The following GRIK3 variants were observed in gnomAD, a reference collection of about 807,000 sequenced individuals.
GRIK3 encodes the protein glutamate ionotropic receptor kainate type subunit 3.
A neutral mutation model predicts 102.5 loss-of-function variants in GRIK3; 29 were observed. The observed-to-expected ratio is 0.28, with a 90% CI of 0.21 to 0.39. The LOEUF (loss-of-function observed/expected upper bound fraction) is 0.39, where lower values mean the gene tolerates loss of function less well. Among genes scored for constraint, GRIK3 ranks in the 10% least tolerant of loss-of-function variants. The probability of loss-of-function intolerance (pLI) is 1.00; values close to 1 mark genes in which losing one functional copy is unlikely to be tolerated. For synonymous variants in GRIK3, 511 were observed against 504.9 expected (o/e 1.01, Z -0.16); for missense variants, 908 against 1,252.4 (o/e 0.73, Z 4.15).
At chr1:36,956,325 A>C (rs1641905133) in intron 1 of GRIK3, among the ~76,000 whole-genome samples, 1 of 152,228 alleles carries the variant, frequency 6.6e-6, no homozygotes, top group African/African-American at 2.4e-5. Flanking sequence ...GCAGAAGCCC[A>C]GAAGAGAAAG....
intron 7 of GRIK3, among the ~76,000 whole-genome samples, chr1:36,854,149 G>C (rs1458566278): frequency 6.6e-6 from 1 of 152,188 alleles, no homozygotes; most frequent in Non-Finnish European, 1.5e-5. Context: ...CCCCCCGAAA[G>C]GCAGGGGAGA....
At chr1:36,854,460 AAC>A (rs1446208474) in intron 7 of GRIK3, among the ~76,000 whole-genome samples, 1 of 152,182 alleles carries the variant, frequency 6.6e-6, no homozygotes, top group Non-Finnish European at 1.5e-5. Context: ...CGTCATTAAT[AAC>A]ACAGAGAGAG....
chr1:36,957,481 T>C lies in GRIK3; in HGVS notation c.116-66385A>G, dbSNP rs1447346460. On this transcript the variant is annotated intron_variant, in intron 1 of 15. Transcript: ENST00000373091. ...TGAGCCTATGTGCTCTGTGAGTCTG[T>C]GCCCCGTGAGCCTGTGTGCCCCATG... is the stretch of plus-strand genomic sequence containing the variant. Among the ~76,000 whole-genome samples, 119 of 124,890 alleles carry C rather than the reference T, an allele frequency of 9.5e-4. 1 individual carries two copies. The highest frequency in any genetic ancestry group is 3.3e-3 in the African/African-American group (111 of 34,000). The allele number at this position is 124,890 out of a possible 152,430, so 81.9% of individuals were successfully genotyped here. A position where few individuals can be genotyped will look rare whatever the true frequency, so the allele number is the denominator to read the frequency against.
intron 1 of GRIK3, among the ~76,000 whole-genome samples, chr1:36,963,778 C>A (rs546726624): frequency 6.6e-6 from 1 of 152,326 alleles, no homozygotes; most frequent in Admixed American, 6.5e-5. Flanking sequence ...CCCCAGCAGC[C>A]TCCTGAATGC....
chr1:36,838,035 C>T (rs1351736076), intron 10 of GRIK3, among the ~76,000 whole-genome samples: 1 of 152,208 alleles, frequency 6.6e-6, no homozygotes, highest in Admixed American at 6.5e-5. Flanking sequence ...CTCCCACCAC[C>T]ATCACATTTA....
At chr1:36,974,440 T>C (rs4653237) in intron 1 of GRIK3, among the ~76,000 whole-genome samples, 37,983 of 152,066 alleles carry the variant, frequency 0.25, 6,081 homozygotes, top group African/African-American at 0.46. Flanking sequence ...ACAACCCAAA[T>C]GTCCATCCTT....
At chr1:36,949,079 C>A (rs1438073334) in intron 1 of GRIK3, among the ~76,000 whole-genome samples, 1 of 152,104 alleles carries the variant, frequency 6.6e-6, no homozygotes, top group Non-Finnish European at 1.5e-5. Context: ...AGGTGGGACC[C>A]AGGGAAAGGC....
chr1:36,892,695 A>C (rs767853974), intron 1 of GRIK3, among the ~76,000 whole-genome samples: 1 of 152,222 alleles, frequency 6.6e-6, no homozygotes, highest in African/African-American at 2.4e-5. Context: ...TGACTCTAAA[A>C]TGTATCTGGA....
chr1:36,829,982 C>T (rs1391599959), intron 10 of GRIK3, among the ~76,000 whole-genome samples: 1 of 152,212 alleles, frequency 6.6e-6, no homozygotes, highest in South Asian at 2.1e-4. Context: ...GGTCTGAGAT[C>T]TGGCCTCTGA....
At chr1:36,911,891 G>T (rs1570794665) in intron 1 of GRIK3, among the ~76,000 whole-genome samples, 1 of 152,114 alleles carries the variant, frequency 6.6e-6, no homozygotes, top group Admixed American at 6.5e-5. Flanking sequence ...GCCTCCCCCA[G>T]ACACTGGCGG....
chr1:36,998,941 T>C (rs1642446935), intron 1 of GRIK3, among the ~76,000 whole-genome samples: 1 of 152,052 alleles, frequency 6.6e-6, no homozygotes, highest in Admixed American at 6.5e-5. Flanking sequence ...TAAGAGCCTC[T>C]CTAACCTCTG....
intron 1 of GRIK3, among the ~76,000 whole-genome samples, chr1:36,930,294 C>T (rs1641573862): frequency 6.6e-6 from 1 of 152,148 alleles, no homozygotes; most frequent in Admixed American, 6.5e-5. Flanking sequence ...CTCTTCAGAC[C>T]TGCAGGTGCA....
intron 13 of GRIK3, among the ~76,000 whole-genome samples, chr1:36,812,548 T>C (rs959409580): frequency 8.5e-5 from 13 of 152,154 alleles, no homozygotes; most frequent in Non-Finnish European, 1.8e-4. Flanking sequence ...TCCTAATTAA[T>C]TTTTATCTTC....
intron 4 of GRIK3, among the ~76,000 whole-genome samples, chr1:36,870,114 G>A (rs914191127): frequency 3.9e-5 from 6 of 152,192 alleles, no homozygotes; most frequent in African/African-American, 1.4e-4. Context: ...AGCGTCTCCC[G>A]GCCTGCCACA....
chr1:36,950,092 A>AAC (rs139420155), intron 1 of GRIK3, among the ~76,000 whole-genome samples: 1 of 152,252 alleles, frequency 6.6e-6, no homozygotes, highest in African/African-American at 2.4e-5. Context: ...ACACATACAC[A>AAC]ACACACACAC....
At chr1:37,033,398 G>T (rs1642849626) in intron 1 of GRIK3, among the ~76,000 whole-genome samples, 1 of 152,212 alleles carries the variant, frequency 6.6e-6, no homozygotes, top group South Asian at 2.1e-4. Flanking sequence ...ACCAGCTGCA[G>T]CGGGCAGCGG....
intron 9 of GRIK3, among the ~76,000 whole-genome samples, chr1:36,846,857 C>T (rs1640524920): frequency 6.6e-6 from 1 of 152,212 alleles, no homozygotes; most frequent in South Asian, 2.1e-4. Context: ...AGCATCTCTC[C>T]TCAGGAGACT....
rs113540699 is a variant in GRIK3 at position 36,919,032 on chromosome 1, A to G, written c.116-27936T>C. On this transcript the variant is annotated intron_variant, in intron 1 of 15. Coordinates refer to ENST00000373091, the MANE Select transcript of GRIK3 (RefSeq NM_000831.4). ...TTTGATAAAAGCTATGAAGAGACCT[A>G]TGAAGGGTGAGATGATGAGGAGCCC... Among the ~76,000 whole-genome samples the G allele has an allele frequency of 4.1e-3, 620 of 152,340 alleles. 5 individuals carry two copies. Among genetic ancestry groups the G allele is most frequent in the African/African-American group, 0.014 (592 of 41,574 alleles).
At chr1:36,898,975 C>T (rs890935707) in intron 1 of GRIK3, among the ~76,000 whole-genome samples, 1 of 152,068 alleles carries the variant, frequency 6.6e-6, no homozygotes, top group Non-Finnish European at 1.5e-5. Context: ...AACTGAATGT[C>T]CACATGTAAA....
Sources: allele counts gnomAD v4.1 joint callset (sites outside exome capture counted in the v4.1 genomes callset), GRCh38; gene constraint gnomAD v4.1.1; transcripts MANE v1.5; gene names NCBI Gene and HGNC (gene_info 2026-07-23, HGNC 2026-07-21).